The following GOLM1 variants were observed in gnomAD, a reference collection of about 807,000 sequenced individuals.
GOLM1 encodes epididymis luminal protein 46.
In GOLM1, 31 loss-of-function variants were observed where a neutral mutation model predicts 50.5. The ratio of observed to expected loss-of-function variants is 0.61; its 90% confidence interval spans 0.46 to 0.83. GOLM1 has a LOEUF of 0.83. Among genes scored for constraint, GOLM1 ranks in the 40% least tolerant of loss-of-function variants. The probability of loss-of-function intolerance (pLI) is 0.00; values close to 1 mark genes in which losing one functional copy is unlikely to be tolerated. For missense variants in GOLM1, 491 were observed against 501.3 expected, an observed-to-expected ratio of 0.98 and a Z score of 0.20; for synonymous variants, 178 against 192.8, an observed-to-expected ratio of 0.92 and a Z score of 0.64.
chr9:86,068,147 G>A (rs1834358959), intron 3 of GOLM1, among the ~76,000 whole-genome samples: 1 of 152,188 alleles, frequency 6.6e-6, no homozygotes, highest in Non-Finnish European at 1.5e-5. Context: ...GAGGCGAAAA[G>A]AAAGACTGAG....
At chr9:86,057,546 AC>A (rs35593211) in intron 3 of GOLM1, among the ~76,000 whole-genome samples, 1 of 151,856 alleles carries the variant, frequency 6.6e-6, no homozygotes, top group Non-Finnish European at 1.5e-5. Flanking sequence ...GGGAAACAGA[AC>A]CCCCCACTCC....
chr9:86,087,382 T>C (rs10780747), intron 1 of GOLM1, among the ~76,000 whole-genome samples: 36,749 of 152,196 alleles, frequency 0.24, 7,542 homozygotes, highest in African/African-American at 0.54. Flanking sequence ...ACAATCATGT[T>C]GTCTGCAAAC....
intron 3 of GOLM1, among the ~76,000 whole-genome samples, chr9:86,067,766 G>A (rs1834345091): frequency 6.6e-6 from 1 of 152,206 alleles, no homozygotes; most frequent in Admixed American, 6.5e-5. Flanking sequence ...ACTTTGGGAG[G>A]CCGAGGCGGG....
chr9:86,052,523 C>A lies in GOLM1; in HGVS notation c.364+14G>T. On this transcript the variant is annotated intron_variant, in intron 4 of 9. Transcript: ENST00000388712. Reference sequence around the variant, plus strand: ...AAGGCCAGTGCCTGGTGTGGAGGAGCGAGCGGAACTTACCTTGCAGCACTC... The same window carrying A: ...AAGGCCAGTGCCTGGTGTGGAGGAGAGAGCGGAACTTACCTTGCAGCACTC... The A allele has an allele frequency of 6.2e-7, 1 of 1,612,348 alleles. No homozygotes were observed. Among genetic ancestry groups the A allele is most frequent in the Non-Finnish European group, 8.5e-7 (1 of 1,178,452 alleles).
At chr9:86,098,873 G>C (rs1426394348) in intron 1 of GOLM1, among the ~76,000 whole-genome samples, 2 of 152,156 alleles carry the variant, frequency 1.3e-5, no homozygotes, top group Non-Finnish European at 2.9e-5. Flanking sequence ...CCAAGCTCCG[G>C]GGTCACCAGC....
rs773305977 is a variant in GOLM1 at position 86,046,430 on chromosome 9, T to G, written c.467+40A>C. On this transcript the variant is annotated intron_variant, in intron 5 of 9. Coordinates refer to ENST00000388712, the MANE Select transcript of GOLM1 (RefSeq NM_016548.4). ...CTTAATCCCCGCCTCCCAGGTGCCG[T>G]GCACCCTGCACTGTGGCACGCGCTC... 33 of 1,208,060 alleles carry G rather than the reference T, an allele frequency of 2.7e-5. 1 individual carries two copies. In the South Asian group the frequency reaches 3.9e-4, roughly 14 times the overall value. 74.8% of individuals were successfully genotyped at this position (1,208,060 alleles called of 1,614,324 possible).
At chr9:86,053,629 C>CACCACACCACTCCACACCA (rs1833877183) in intron 3 of GOLM1, among the ~76,000 whole-genome samples, 1 of 78,540 alleles carries the variant, frequency 1.3e-5, no homozygotes. Context: ...CCAAACATCA[C>CACCACACCACTCCACACCA]TACAAAACAC....
At chr9:86,093,466 A>T (rs1835250603) in intron 1 of GOLM1, among the ~76,000 whole-genome samples, 2 of 151,624 alleles carry the variant, frequency 1.3e-5, no homozygotes, top group South Asian at 4.2e-4. Context: ...GCTACTTGGG[A>T]GGCTAAGGCA....
intron 9 of GOLM1, 33 bp from the exon 10 acceptor site, chr9:86,027,926 G>GTATT: frequency 7.7e-7 from 1 of 1,290,872 alleles, no homozygotes; most frequent in Non-Finnish European, 1.1e-6. Flanking sequence ...ATTCTATAGA[G>GTATT]TATTAAATGA....
chr9:86,098,742 C>G (rs927114432), intron 1 of GOLM1, among the ~76,000 whole-genome samples: 11 of 152,202 alleles, frequency 7.2e-5, no homozygotes, highest in Non-Finnish European at 1.3e-4. Flanking sequence ...TACAGCAGGG[C>G]AAAGTTGTGT....
chr9:86,085,900 A>C (rs553593979), intron 1 of GOLM1, among the ~76,000 whole-genome samples: 2 of 152,298 alleles, frequency 1.3e-5, no homozygotes, highest in East Asian at 3.9e-4. Flanking sequence ...GGTTGGTTCC[A>C]AGTCTTTGCT....
At chr9:86,083,734 A>G (rs953504377) in intron 1 of GOLM1, among the ~76,000 whole-genome samples, 11 of 152,202 alleles carry the variant, frequency 7.2e-5, no homozygotes, top group African/African-American at 2.7e-4. Context: ...CAGATGTGGA[A>G]CTGTACATCC....
rs1322437750 is a variant in GOLM1, at chr9:86,053,566, CACAT to C, written c.310-979_310-976del. Reference sequence around the variant, plus strand: ...ACACCAAACACACACTACACACACACACATCACACACACCACACACCACACCACT... The same window carrying C: ...ACACCAAACACACACTACACACACACCACACACACCACACACCACACCACT... On this transcript the variant is annotated intron_variant, in intron 3 of 9. Transcript: ENST00000388712. 7.2e-3 allele frequency among the ~76,000 whole-genome samples: 17 copies of C among 2,360 alleles called. 1 individual carries two copies. Among genetic ancestry groups the C allele is most frequent in the African/African-American group, 0.015 (15 of 1,010 alleles). 1.5% of individuals were successfully genotyped at this position (2,360 alleles called of 152,430 possible).
At chr9:86,055,701 A>G (rs11141204) in intron 3 of GOLM1, among the ~76,000 whole-genome samples, 7,792 of 152,324 alleles carry the variant, frequency 0.051, 537 homozygotes, top group East Asian at 0.32. Context: ...CAGAAGGACA[A>G]ATGCTGTAGG....
chr9:86,037,154 C>A (rs978165873), intron 6 of GOLM1, among the ~76,000 whole-genome samples: 1 of 152,250 alleles, frequency 6.6e-6, no homozygotes, highest in African/African-American at 2.4e-5. Context: ...GTGGCGCACA[C>A]CTGTAATCCC....
intron 1 of GOLM1, among the ~76,000 whole-genome samples, chr9:86,096,546 C>T (rs1835361137): frequency 6.6e-6 from 1 of 152,144 alleles, no homozygotes; most frequent in Admixed American, 6.5e-5. Context: ...TCTGTTTATT[C>T]CACTAATAAA....
intron 3 of GOLM1, 29 bp downstream of exon 3, chr9:86,077,383 G>T: frequency 1.3e-6 from 2 of 1,581,888 alleles, no homozygotes; most frequent in Non-Finnish European, 1.7e-6. Context: ...CCTTAGAAAA[G>T]AACTGAGAGG....
intron 3 of GOLM1, 74 bp downstream of exon 3, chr9:86,077,337 TC>T: frequency 8.2e-7 from 1 of 1,222,150 alleles, no homozygotes; most frequent in Non-Finnish European, 1.2e-6. Context: ...TTGCTCATCC[TC>T]CCGCCAAGAA....
At chr9:86,095,159 C>A (rs10118182) in intron 1 of GOLM1, among the ~76,000 whole-genome samples, 36,631 of 151,754 alleles carry the variant, frequency 0.24, 7,525 homozygotes, top group African/African-American at 0.54. Context: ...CACAAACTGC[C>A]GCCCAAGGGC....
Sources: allele counts gnomAD v4.1 joint callset (sites outside exome capture counted in the v4.1 genomes callset), GRCh38; gene constraint gnomAD v4.1.1; transcripts MANE v1.5; gene names NCBI Gene and HGNC (gene_info 2026-07-23, HGNC 2026-07-21).